IMMP2L: variants seen among roughly 807,000 people sequenced by gnomAD.
The protein encoded by IMMP2L is mitochondrial inner membrane protease subunit 2.
IMMP2L carries 18 observed loss-of-function variants against 19.3 expected under a neutral mutation model. That is an observed-to-expected ratio of 0.93 (90% CI 0.64 to 1.38). The LOEUF (loss-of-function observed/expected upper bound fraction) is 1.38, where lower values mean the gene tolerates loss of function less well. Ranked by LOEUF, IMMP2L falls within the 40% of genes most tolerant of loss-of-function variation. IMMP2L has a pLI of 0.00. For missense variants in IMMP2L, 233 were observed against 218.2 expected (o/e 1.07, Z -0.43); for synonymous variants, 76 against 73.0 (o/e 1.04, Z -0.21).
intron 5 of IMMP2L, among the ~76,000 whole-genome samples, chr7:110,754,460 A>T (rs573442098): frequency 1.4e-4 from 21 of 152,156 alleles, no homozygotes; most frequent in Non-Finnish European, 3.1e-4. Flanking sequence ...AGCTATCTCT[A>T]CCTAAAGGCA....
At chr7:111,510,391 AATATAG>A (rs1303488775) in intron 2 of IMMP2L, among the ~76,000 whole-genome samples, 1 of 152,080 alleles carries the variant, frequency 6.6e-6, no homozygotes, top group Non-Finnish European at 1.5e-5. Flanking sequence ...CATATACATA[AATATAG>A]ATATAGATAT....
intron 3 of IMMP2L, among the ~76,000 whole-genome samples, chr7:111,075,854 C>T (rs1274897313): frequency 1.3e-5 from 2 of 152,234 alleles, no homozygotes; most frequent in East Asian, 1.9e-4. Context: ...TCCATTATTT[C>T]GCTAAAAGGT....
intron 5 of IMMP2L, among the ~76,000 whole-genome samples, chr7:110,848,537 T>C (rs1052103193): frequency 5.9e-5 from 9 of 152,134 alleles, no homozygotes; most frequent in Non-Finnish European, 1.2e-4. Flanking sequence ...ACATAGGATC[T>C]AGCAGTCACA....
At chr7:111,433,416 C>T (rs747474272) in intron 3 of IMMP2L, among the ~76,000 whole-genome samples, 25 of 151,788 alleles carry the variant, frequency 1.6e-4, no homozygotes, top group Non-Finnish European at 3.4e-4. Flanking sequence ...CCATCTTACA[C>T]GGATGGCAGC....
At chr7:111,333,531 T>C (rs1025826863) in intron 3 of IMMP2L, among the ~76,000 whole-genome samples, 1 of 151,986 alleles carries the variant, frequency 6.6e-6, no homozygotes, top group Admixed American at 6.6e-5. Flanking sequence ...TGATGGTAAA[T>C]ATTGAGTGGA....
At chr7:110,872,053 C>T (rs1808592110) in intron 5 of IMMP2L, among the ~76,000 whole-genome samples, 1 of 152,148 alleles carries the variant, frequency 6.6e-6, no homozygotes, top group Admixed American at 6.5e-5. Flanking sequence ...AAACACCAAT[C>T]TCCTGTTTGT....
At chr7:111,331,828 A>G (rs985199761) in intron 3 of IMMP2L, among the ~76,000 whole-genome samples, 2 of 151,966 alleles carry the variant, frequency 1.3e-5, no homozygotes, top group East Asian at 3.8e-4. Flanking sequence ...AGCTATAAAA[A>G]AAGTTTTTAA....
chr7:111,268,275 T>C (rs1198965674), intron 3 of IMMP2L, among the ~76,000 whole-genome samples: 1 of 151,964 alleles, frequency 6.6e-6, no homozygotes, highest in Non-Finnish European at 1.5e-5. Context: ...TTGTGTGAAG[T>C]CTCACAGGGT....
At chr7:111,445,692 G>T (rs1838288826) in intron 3 of IMMP2L, among the ~76,000 whole-genome samples, 1 of 150,104 alleles carries the variant, frequency 6.7e-6, no homozygotes, top group South Asian at 2.1e-4. Context: ...AAAGAACAGG[G>T]AAGAGGAGGA....
At position 110,757,910 on chromosome 7, in the gene IMMP2L, G is replaced by A. The variant is rs1027204159; in HGVS notation, c.409-94189C>T. Among the ~76,000 whole-genome samples, 9 of 152,228 alleles carry A rather than the reference G, an allele frequency of 5.9e-5. No individual in the cohort carries two copies. Among genetic ancestry groups the A allele is most frequent in the East Asian group, 3.9e-4 (2 of 5,156 alleles). ...AGAATTTCAGGCACTGGAAATAGCC[G>A]AGGGGAAGGTGGTAGAAGGAAGTGG... is the stretch of plus-strand genomic sequence containing the variant. On this transcript the variant is annotated intron_variant, in intron 5 of 5. Coordinates refer to ENST00000405709, the MANE Select transcript of IMMP2L (RefSeq NM_032549.4). The surrounding 1 kb of genome is among the most constrained non-coding windows in gnomAD (Gnocchi z 4.2).
intron 3 of IMMP2L, among the ~76,000 whole-genome samples, chr7:111,437,849 G>A (rs1186380043): frequency 1.3e-5 from 2 of 151,792 alleles, no homozygotes; most frequent in Non-Finnish European, 2.9e-5. Flanking sequence ...TTACAGTTAT[G>A]CAGTGCACAA....
intron 5 of IMMP2L, among the ~76,000 whole-genome samples, chr7:110,814,373 G>C (rs372136985): frequency 1.3e-5 from 2 of 150,882 alleles, no homozygotes; most frequent in Non-Finnish European, 3.0e-5. Context: ...GAAGAGCATT[G>C]TTCTCTATTT....
At chr7:111,503,026 C>T (rs1277832363) in intron 2 of IMMP2L, among the ~76,000 whole-genome samples, 2 of 151,790 alleles carry the variant, frequency 1.3e-5, no homozygotes, top group Non-Finnish European at 2.9e-5. Context: ...ATTAATGAAT[C>T]CAGGAGCTGG....
At chr7:110,882,428 TC>T (rs1199342387) in intron 5 of IMMP2L, among the ~76,000 whole-genome samples, 1 of 151,548 alleles carries the variant, frequency 6.6e-6, no homozygotes, top group East Asian at 1.9e-4. Flanking sequence ...TTTCCCAGGC[TC>T]CGGTGCAATG....
chr7:111,201,589 T>C (rs1188771293), intron 3 of IMMP2L, among the ~76,000 whole-genome samples: 1 of 151,854 alleles, frequency 6.6e-6, no homozygotes, highest in Non-Finnish European at 1.5e-5. Context: ...TGGTGGCATG[T>C]ACCTATAGTC....
At chr7:110,771,828 T>C (rs1234238287) in intron 5 of IMMP2L, among the ~76,000 whole-genome samples, 5 of 152,156 alleles carry the variant, frequency 3.3e-5, no homozygotes, top group Admixed American at 3.3e-4. Context: ...AGTAATCTTA[T>C]AACCTCCACT....
chr7:111,017,748 C>T (rs1180509282), intron 3 of IMMP2L, among the ~76,000 whole-genome samples: 1 of 152,136 alleles, frequency 6.6e-6, no homozygotes, highest in African/African-American at 2.4e-5. Flanking sequence ...GCCCAGCCCT[C>T]ATTAAGCCAG....
chr7:110,968,631 C>T (rs758781478), intron 3 of IMMP2L, among the ~76,000 whole-genome samples: 4 of 152,028 alleles, frequency 2.6e-5, no homozygotes, highest in Non-Finnish European at 5.9e-5. Context: ...AATGTTGACG[C>T]CAATGCACTC....
chr7:110,907,112 G>A (rs537225728), intron 4 of IMMP2L, among the ~76,000 whole-genome samples: 11 of 152,222 alleles, frequency 7.2e-5, no homozygotes, highest in East Asian at 5.8e-4. Context: ...GGAGTGTTAC[G>A]TATAGTAACA....
Sources: gnomAD v4.1 joint callset for allele counts (sites outside exome capture counted in the v4.1 genomes callset) on GRCh38, gnomAD v4.1.1 for gene constraint, Gnocchi (gnomAD v3.1) non-coding constraint, MANE v1.5 for transcripts, NCBI Gene and HGNC (gene_info 2026-07-23, HGNC 2026-07-21) for gene names.